The following GSN variants were observed in gnomAD, a reference collection of about 807,000 sequenced individuals.
GSN encodes the protein actin-depolymerizing factor.
In GSN, 56 loss-of-function variants were observed where a neutral mutation model predicts 85.7. The observed-to-expected ratio is 0.65, with a 90% confidence interval of 0.53 to 0.82. The LOEUF is 0.82. Ranked by LOEUF, GSN falls within the 40% of genes least tolerant of loss-of-function variation. The pLI is 0.00. For missense variants in GSN, 857 were observed against 979.8 expected (o/e 0.87, Z 1.67); for synonymous variants, 373 against 399.1 (o/e 0.93, Z 0.78).
At position 121,329,014 on chromosome 9, in the gene GSN, T is replaced by C. The variant is rs757131212; in HGVS notation, c.1886T>C (p.Val629Ala). 1.6e-5 allele frequency: 26 copies of C among 1,613,730 alleles called. No homozygotes were observed. The South Asian group carries it at 2.9e-4, about 18-fold the overall frequency. ...TGCTCCAACAAGATTGGACGTTTTGTGGTGAGCCCCTGCGGAGGTCACACC... is the reference window on the plus strand; with the variant it reads ...TGCTCCAACAAGATTGGACGTTTTGCGGTGAGCCCCTGCGGAGGTCACACC... ...FACSNKIGRF[V>A]IEEVPGELMQ... Residue 629 changes from valine (V) to alanine (A), a missense_variant and splice_region_variant, in exon 15 of 18, where the codon GTG becomes GCG. Physicochemically the swap from Val to Ala is moderately conservative, Grantham distance 64. Transcript: ENST00000432226. This position sits in a 1 kb window ranked among gnomAD's most constrained non-coding sequence, Gnocchi z 4.6.
chr9:121,307,041 C>T (rs1054568707), intron 4 of GSN, among the ~76,000 whole-genome samples: 3 of 152,158 alleles, frequency 2.0e-5, no homozygotes, highest in East Asian at 3.9e-4. Context: ...ATTAGCCGGG[C>T]GTGGTGGCGG....
In GSN at chr9:121,318,071, G is replaced by C. The variant is rs565723516; in HGVS notation, c.887-335G>C. Among the ~76,000 whole-genome samples, 7 of 152,168 alleles carry C rather than the reference G, an allele frequency of 4.6e-5. No homozygotes were observed. Among genetic ancestry groups the C allele is most frequent in the African/African-American group, 1.7e-4 (7 of 41,430 alleles). ...GTAATTTAATCTCTCTAAGACCCTAGCTTCCTTATAGATACTCAGAAAAAG... is the reference window on the plus strand; with the variant it reads ...GTAATTTAATCTCTCTAAGACCCTACCTTCCTTATAGATACTCAGAAAAAG... On this transcript the variant is annotated intron_variant, in intron 8 of 17. Transcript: ENST00000432226. The surrounding 1 kb of genome is among the most constrained non-coding windows in gnomAD (Gnocchi z 4.3).
intron 1 of GSN, among the ~76,000 whole-genome samples, chr9:121,278,065 T>A (rs1050014309): frequency 1.3e-5 from 2 of 151,720 alleles, no homozygotes; most frequent in African/African-American, 4.8e-5. Flanking sequence ...TTTTTTTTTT[T>A]CTAGTCAGCA....
chr9:121,207,604 CAG>C (rs2053903196), upstream of GSN, among the ~76,000 whole-genome samples: 1 of 152,276 alleles, frequency 6.6e-6, no homozygotes, highest in East Asian at 1.9e-4. Context: ...CATCTCCCAA[CAG>C]GGGCAGGATT....
intron 5 of GSN, among the ~76,000 whole-genome samples, chr9:121,243,704 A>C (rs2054648508): frequency 6.6e-6 from 1 of 152,168 alleles, no homozygotes; most frequent in South Asian, 2.1e-4. Context: ...CAGCCTCCCG[A>C]GTAGCTGGGA....
chr9:121,295,788 A>G (rs2133034255), intron 2 of GSN, among the ~76,000 whole-genome samples: 1 of 152,348 alleles, frequency 6.6e-6, no homozygotes. Context: ...GGAGCTGGGC[A>G]GGATCCAGGA....
intron 6 of GSN, among the ~76,000 whole-genome samples, chr9:121,255,561 A>G (rs1287872753): frequency 6.6e-6 from 1 of 152,082 alleles, no homozygotes; most frequent in Non-Finnish European, 1.5e-5. Flanking sequence ...TCCCCTCTTT[A>G]TTTTTAACAC....
chr9:121,331,475 GGGGAGGGGTCCGTTGCTTGTGGGGTGCT>G, intron 17 of GSN, 27 bp downstream of exon 17: 1 of 1,412,828 alleles, frequency 7.1e-7, no homozygotes, highest in Non-Finnish European at 9.9e-7. Context: ...CTGGGGGCGG[GGGGAGGGGTCCGTTGCTTGTGGGGTGCT>G]GGGAGTGGCT....
intron 6 of GSN, chr9:121,312,746 G>A (rs1365282313): frequency 3.5e-6 from 1 of 287,390 alleles, no homozygotes; most frequent in Non-Finnish European, 6.5e-6. Flanking sequence ...TCCTGCCTCA[G>A]CCTCCCGAGT....
At chr9:121,243,690 G>A (rs1382846782) in intron 5 of GSN, among the ~76,000 whole-genome samples, 1 of 152,172 alleles carries the variant, frequency 6.6e-6, no homozygotes, top group Non-Finnish European at 1.5e-5. Context: ...AGATTCTCCT[G>A]CCTCAGCCTC....
intron 4 of GSN, among the ~76,000 whole-genome samples, chr9:121,308,046 T>C (rs998510135): frequency 6.6e-6 from 1 of 152,166 alleles, no homozygotes; most frequent in East Asian, 1.9e-4. Flanking sequence ...ATGGAAAAAT[T>C]TACTGTCTTG....
Position 121,301,955 on chromosome 9 carries a change from C to T in GSN, c.-9-8C>T, listed in dbSNP as rs2059917305. On this transcript the variant is annotated splice_region_variant and splice_polypyrimidine_tract_variant and intron_variant, in intron 2 of 17. Transcript: ENST00000432226. ...GCCCCGCTTAGGCTCTGCCCTGTCT[C>T]ATCCCAGCCCAACAGCATGGTGGTG... is the stretch of plus-strand genomic sequence containing the variant. 6.2e-7 allele frequency: 1 copy of T among 1,614,168 alleles called. No homozygotes were observed.
intron 1 of GSN, among the ~76,000 whole-genome samples, chr9:121,279,087 G>T (rs1368355245): frequency 6.6e-6 from 1 of 152,180 alleles, no homozygotes; most frequent in African/African-American, 2.4e-5. Flanking sequence ...CTTGCAAATA[G>T]ACTATTACAG....
chr9:121,234,625 C>T (rs2054457135), intron 5 of GSN, among the ~76,000 whole-genome samples: 2 of 152,184 alleles, frequency 1.3e-5, no homozygotes, highest in Non-Finnish European at 1.5e-5. Flanking sequence ...GTAAAAGCTT[C>T]TATAAGCCCT....
chr9:121,235,149 G>A (rs146794030), intron 5 of GSN, among the ~76,000 whole-genome samples: 4 of 152,270 alleles, frequency 2.6e-5, no homozygotes, highest in Non-Finnish European at 4.4e-5. Flanking sequence ...GCAACTCCCC[G>A]AATCCGAGTT....
At chr9:121,232,385 A>T (rs2054407561) in intron 5 of GSN, among the ~76,000 whole-genome samples, 1 of 152,232 alleles carries the variant, frequency 6.6e-6, no homozygotes, top group African/African-American at 2.4e-5. Flanking sequence ...GATTAAAGCC[A>T]GGCTTCTGAT....
chr9:121,327,357 A>G lies in GSN; in HGVS notation c.1637A>G (p.Lys546Arg), dbSNP rs184844415. 685 of 1,614,050 alleles carry G rather than the reference A, an allele frequency of 4.2e-4. 3 individuals carry two copies. Among genetic ancestry groups the G allele is most frequent in the East Asian group, 1.8e-4 (8 of 44,874 alleles). Residue 546 changes from lysine to arginine, a missense_variant, in exon 14 of 18, where the codon AAA (lysine) becomes AGA (arginine). By Grantham distance (26) the Lys-to-Arg change is conservative. Transcript: ENST00000432226. ...AACTCCAACGATGCCTTTGTTCTGA[A>G]AACCCCCTCAGCCGCCTACCTGTGG... is the stretch of plus-strand genomic sequence containing the variant. ...ALNSNDAFVL[K>R]TPSAAYLWVG...
At chr9:121,316,723 G>T (rs1385102108) in intron 7 of GSN, among the ~76,000 whole-genome samples, 2 of 152,252 alleles carry the variant, frequency 1.3e-5, no homozygotes, top group East Asian at 3.9e-4. Flanking sequence ...CACCCACCTG[G>T]GCCTCCCAGA....
At chr9:121,301,625 C>CAAAAAAAAAAAAAAAAAAAAA (rs753963979) in intron 2 of GSN, among the ~76,000 whole-genome samples, 2 of 55,984 alleles carry the variant, frequency 3.6e-5, no homozygotes, top group Non-Finnish European at 8.6e-5. Flanking sequence ...GACTCTGTCT[C>CAAAAAAAAAAAAAAAAAAAAA]AAAAAAAAAA....
Sources: gnomAD v4.1 joint callset for allele counts (sites outside exome capture counted in the v4.1 genomes callset) on GRCh38, gnomAD v4.1.1 for gene constraint, Gnocchi (gnomAD v3.1) non-coding constraint, MANE v1.5 for transcripts, NCBI Gene and HGNC (gene_info 2026-07-23, HGNC 2026-07-21) for gene names.